The following LRMDA variants were observed in gnomAD, a reference collection of about 807,000 sequenced individuals.
LRMDA encodes leucine-rich melanocyte differentiation-associated protein.
In LRMDA, 18 loss-of-function variants were observed where a neutral mutation model predicts 29.8. The ratio of observed to expected loss-of-function variants is 0.60; its 90% CI spans 0.42 to 0.90. The LOEUF is 0.90. LRMDA is among the 40% of genes least tolerant of loss of function. LRMDA has a pLI of 0.00. For synonymous variants in LRMDA, 125 were observed against 109.4 expected, an observed-to-expected ratio of 1.14 and a Z score of -0.89; for missense variants, 273 against 273.9, an observed-to-expected ratio of 1.00 and a Z score of 0.02.
intron 6 of LRMDA, among the ~76,000 whole-genome samples, chr10:76,365,982 A>G (rs1356640938): frequency 6.6e-6 from 1 of 152,146 alleles, no homozygotes; most frequent in Non-Finnish European, 1.5e-5. Flanking sequence ...TCCCAGCACC[A>G]TTTGTTGAAA....
chr10:75,745,199 T>G (rs1842875286), intron 2 of LRMDA, among the ~76,000 whole-genome samples: 1 of 152,214 alleles, frequency 6.6e-6, no homozygotes, highest in Non-Finnish European at 1.5e-5. Flanking sequence ...TAAGATGCAA[T>G]CTAACTGTAG....
intron 6 of LRMDA, among the ~76,000 whole-genome samples, chr10:76,467,890 C>A (rs1445779325): frequency 6.6e-6 from 1 of 152,154 alleles, no homozygotes; most frequent in Non-Finnish European, 1.5e-5. Context: ...GTTACTATCC[C>A]TTGTACTGGT....
intron 2 of LRMDA, among the ~76,000 whole-genome samples, chr10:75,845,871 G>A (rs1844626560): frequency 1.3e-5 from 2 of 152,178 alleles, no homozygotes; most frequent in Non-Finnish European, 2.9e-5. Flanking sequence ...CTGGAAGTAA[G>A]AGGAAATGGT....
chr10:76,187,047 A>T (rs1397524160), intron 5 of LRMDA, among the ~76,000 whole-genome samples: 1 of 151,850 alleles, frequency 6.6e-6, no homozygotes, highest in Non-Finnish European at 1.5e-5. Context: ...ATTCTTCACT[A>T]CTCCCAGCCT....
chr10:76,345,224 G>A lies in LRMDA; in HGVS notation c.601+20739G>A, dbSNP rs1353443437. Reference sequence around the variant, plus strand: ...TGGGACTACAGGCGCCCGCTACCACGCCCGGCTAATTTTTTGTATTTTTTT... The same window carrying A: ...TGGGACTACAGGCGCCCGCTACCACACCCGGCTAATTTTTTGTATTTTTTT... On this transcript the variant is annotated intron_variant, in intron 6 of 6. Transcript: ENST00000611255. Among the ~76,000 whole-genome samples the A allele has an allele frequency of 4.7e-5, 7 of 147,996 alleles. No homozygotes were observed. The East Asian group carries it at 6.3e-4, about 13-fold the overall frequency.
intron 2 of LRMDA, among the ~76,000 whole-genome samples, chr10:75,745,861 A>G (rs1009069695): frequency 2.6e-5 from 4 of 152,152 alleles, no homozygotes; most frequent in Non-Finnish European, 4.4e-5. Flanking sequence ...CTGGCCAGGT[A>G]TTTTGTAGAA....
chr10:76,284,203 G>A (rs889547557), intron 5 of LRMDA, among the ~76,000 whole-genome samples: 1 of 152,160 alleles, frequency 6.6e-6, no homozygotes, highest in Non-Finnish European at 1.5e-5. Flanking sequence ...GACTTTGCAG[G>A]TGTGATTAAA....
chr10:76,310,162 T>G (rs1840611841), intron 5 of LRMDA, among the ~76,000 whole-genome samples: 1 of 152,284 alleles, frequency 6.6e-6, no homozygotes, highest in South Asian at 2.1e-4. Context: ...AGATGAAAAT[T>G]CAGGGTCTTA....
intron 5 of LRMDA, among the ~76,000 whole-genome samples, chr10:76,157,386 A>G (rs560098866): frequency 1.3e-5 from 2 of 152,276 alleles, no homozygotes; most frequent in African/African-American, 4.8e-5. Flanking sequence ...CTGAGTCAGG[A>G]AGATCACTTG....
At chr10:75,676,937 T>TC (rs1489338779) in intron 2 of LRMDA, among the ~76,000 whole-genome samples, 2 of 152,172 alleles carry the variant, frequency 1.3e-5, no homozygotes, top group African/African-American at 2.4e-5. Context: ...CTGGAGAGTT[T>TC]CTTTTTCCAG....
chr10:76,407,810 A>C (rs774780134), intron 6 of LRMDA, among the ~76,000 whole-genome samples: 1 of 152,226 alleles, frequency 6.6e-6, no homozygotes, highest in Non-Finnish European at 1.5e-5. Flanking sequence ...TCATTTAACT[A>C]CACTTAATAG....
chr10:75,680,257 G>T (rs1842008191), intron 2 of LRMDA, among the ~76,000 whole-genome samples: 1 of 152,204 alleles, frequency 6.6e-6, no homozygotes, highest in African/African-American at 2.4e-5. Flanking sequence ...CTGTGGCCAG[G>T]AGTAACAGTA....
chr10:75,673,007 A>G (rs1167579380), intron 2 of LRMDA, among the ~76,000 whole-genome samples: 1 of 151,642 alleles, frequency 6.6e-6, no homozygotes, highest in Non-Finnish European at 1.5e-5. Flanking sequence ...CTTTTAAGAA[A>G]GTGAATGATG....
intron 5 of LRMDA, among the ~76,000 whole-genome samples, chr10:76,257,951 G>A (rs1852628461): frequency 6.6e-6 from 1 of 152,174 alleles, no homozygotes; most frequent in Admixed American, 6.5e-5. Flanking sequence ...ATGTTACCTG[G>A]TGGGAGAAAG....
intron 5 of LRMDA, among the ~76,000 whole-genome samples, chr10:76,125,843 T>G (rs1441840090): frequency 6.6e-6 from 1 of 152,294 alleles, no homozygotes; most frequent in East Asian, 1.9e-4. Context: ...CCCAGAATGT[T>G]TTGTCTGTCC....
chr10:76,093,436 C>T (rs183294377), intron 5 of LRMDA, among the ~76,000 whole-genome samples: 283 of 152,196 alleles, frequency 1.9e-3, no homozygotes, highest in Non-Finnish European at 3.1e-3. Context: ...TCACTGTGTC[C>T]CTTATATCTC....
chr10:75,612,825 A>AAAACCTGG (rs1000494702), intron 2 of LRMDA, among the ~76,000 whole-genome samples: 1 of 152,000 alleles, frequency 6.6e-6, no homozygotes, highest in African/African-American at 2.4e-5. Context: ...AATGAAAAAA[A>AAAACCTGG]AAACCTGGGT....
intron 2 of LRMDA, among the ~76,000 whole-genome samples, chr10:75,825,145 A>G (rs7912964): frequency 0.46 from 70,341 of 152,060 alleles, 16,454 homozygotes; most frequent in South Asian, 0.55. Flanking sequence ...CACAGCCCAC[A>G]CCCGAGACCG....
chr10:76,143,087 A>G (rs1405523321), intron 5 of LRMDA, among the ~76,000 whole-genome samples: 1 of 152,086 alleles, frequency 6.6e-6, no homozygotes, highest in African/African-American at 2.4e-5. Context: ...AATCCAGTCT[A>G]TCGTTATTGG....
Sources: gnomAD v4.1 joint callset for allele counts (sites outside exome capture counted in the v4.1 genomes callset) on GRCh38, gnomAD v4.1.1 for gene constraint, MANE v1.5 for transcripts, NCBI Gene and HGNC (gene_info 2026-07-23, HGNC 2026-07-21) for gene names.